The following MCF2L variants were observed in gnomAD, a reference collection of about 807,000 sequenced individuals.
MCF2L encodes the protein guanine nucleotide exchange factor DBS.
In MCF2L, 97 loss-of-function variants were observed where a neutral mutation model predicts 153.4. The ratio of observed to expected loss-of-function variants is 0.63; its 90% CI spans 0.54 to 0.75. The LOEUF is 0.75. Ranked by LOEUF, MCF2L falls within the 30% of genes least tolerant of loss-of-function variation. The pLI is 0.00. For missense variants in MCF2L, 1,347 were observed against 1,495.2 expected, an observed-to-expected ratio of 0.90 and a Z score of 1.64; for synonymous variants, 659 against 632.2, an observed-to-expected ratio of 1.04 and a Z score of -0.64.
chr13:112,909,396 C>T (rs2081207249), intron 2 of MCF2L: 1 of 750,078 alleles, frequency 1.3e-6, no homozygotes, highest in Non-Finnish European at 2.5e-6. Context: ...AGGCGTTGAT[C>T]CCAAGGGGCT....
In MCF2L at chr13:113,095,181, G is replaced by T. The variant is rs149985156; in HGVS notation, c.3075+546G>T. The T allele has an allele frequency of 1.6e-3, 1,977 of 1,251,248 alleles. 9 individuals carry two copies. Among genetic ancestry groups the T allele is most frequent in the African/African-American group, 0.015 (989 of 64,614 alleles). 77.5% of individuals were successfully genotyped at this position (1,251,248 alleles called of 1,614,324 possible). A position where few individuals can be genotyped will look rare whatever the true frequency, so the allele number is the denominator to read the frequency against. ...TTAATGTCAGAAGCAAGAAAAAGCT[G>T]CCATGTGTTAATCATTCCAGTGAGG... On this transcript the variant is annotated intron_variant, in intron 27 of 29. Coordinates refer to ENST00000535094, the MANE Select transcript of MCF2L (RefSeq NM_001112732.3).
chr13:113,017,893 A>G lies in MCF2L; in HGVS notation c.163+3047A>G, dbSNP rs2084633786. ...CCGTGAAGTGCCAGAGCAAAAAACT[A>G]AAGATGTCAGGAAGGAATGGCTCCG... On this transcript the variant is annotated intron_variant, in intron 2 of 29. Coordinates refer to ENST00000535094, the MANE Select transcript of MCF2L (RefSeq NM_001112732.3). Among the ~76,000 whole-genome samples, 3 of 152,184 alleles carry G rather than the reference A, an allele frequency of 2.0e-5. No individual in the cohort carries two copies. In the South Asian group the frequency reaches 6.2e-4, roughly 31 times the overall value.
Position 113,074,693 on chromosome 13 carries a change from G to T in MCF2L, c.1116+130G>T. ...CCACAGCCCCCCGGGGATGTCCATG[G>T]GGTGGGGGGTGCTGCTGCCTGTACC... is the stretch of plus-strand genomic sequence containing the variant. On this transcript the variant is annotated intron_variant, in intron 10 of 29. Coordinates refer to ENST00000535094, the MANE Select transcript of MCF2L (RefSeq NM_001112732.3). This position sits in a 1 kb window ranked among gnomAD's most constrained non-coding sequence, Gnocchi z 4.2. 1 of 1,362,532 alleles carries T rather than the reference G, an allele frequency of 7.3e-7. No individual in the cohort carries two copies. The highest frequency in any genetic ancestry group is 1.0e-6 in the Non-Finnish European group (1 of 1,002,398). 84.4% of individuals were successfully genotyped at this position (1,362,532 alleles called of 1,614,324 possible).
chr13:113,074,981 T>TGGGTGGCCGTCCAC lies in MCF2L; in HGVS notation c.1117-16_1117-3dup, dbSNP rs2033308815. On this transcript the variant is annotated splice_polypyrimidine_tract_variant and intron_variant, in intron 10 of 29. Coordinates refer to ENST00000535094, the MANE Select transcript of MCF2L (RefSeq NM_001112732.3). This position sits in a 1 kb window ranked among gnomAD's most constrained non-coding sequence, Gnocchi z 4.2. ...CAGAAAGAGGCCTGAGCTGGTCCTC[T>TGGGTGGCCGTCCAC]GGGTGGCCGTCCACAGGTGGCCGTG... 6.3e-7 allele frequency: 1 copy of TGGGTGGCCGTCCAC among 1,587,464 alleles called. No homozygotes were observed. The highest frequency in any genetic ancestry group is 8.6e-7 in the Non-Finnish European group (1 of 1,161,840).
Position 112,907,097 on chromosome 13 carries a change from A to G in MCF2L, c.169+4726A>G, listed in dbSNP as rs1237105128. On this transcript the variant is annotated intron_variant, in intron 2 of 29. Transcript: ENST00000375608. The surrounding 1 kb of genome is among the most constrained non-coding windows in gnomAD (Gnocchi z 5.1). ...CATGGATGATTCCATGGCTGGACCT[A>G]ATACTTCCATGCTTTATGGTAGGAG... Among the ~76,000 whole-genome samples the G allele has an allele frequency of 1.3e-5, 2 of 152,100 alleles. No homozygotes were observed. Among genetic ancestry groups the G allele is most frequent in the Admixed American group, 6.5e-5 (1 of 15,272 alleles).
chr13:113,024,624 T>G lies in MCF2L; in HGVS notation c.164-20T>G, dbSNP rs1369902876. The G allele has an allele frequency of 1.3e-6, 2 of 1,566,936 alleles. No homozygotes were observed. The highest frequency in any genetic ancestry group is 3.3e-5 in the Admixed American group (2 of 59,794). On this transcript the variant is annotated intron_variant, in intron 2 of 29. Transcript: ENST00000535094. ...GGCATGGAGCCCTCGGCTAAGGGTC[T>G]GCCTCTGGTCTCTCCCCAGGTGGGC...
At chr13:112,914,212 C>A (rs576299108) in intron 2 of MCF2L, among the ~76,000 whole-genome samples, 63 of 152,346 alleles carry the variant, frequency 4.1e-4, no homozygotes, top group Non-Finnish European at 8.2e-4. Context: ...CTGGTGCGTC[C>A]CCCAAGAGGG....
In MCF2L at chr13:113,096,468, G is replaced by T; in HGVS notation, c.3173G>T (p.Gly1058Val). ...SGDVVELVQE[G>V]DEGLWYVRDP... is the part of the protein sequence containing the mutation. ...GACGTGGTGGAGCTGGTGCAGGAGG[G>T]CGACGAGGGCCTCTGGTAAGACCCC... The change falls in exon 28 of 30, where the codon GGC (glycine) becomes GTC (valine). Residue 1058 changes from glycine (G) to valine (V), a missense_variant. By Grantham distance (109) the Gly-to-Val change is moderately radical. Transcript: ENST00000535094. 6.3e-7 allele frequency: 1 copy of T among 1,588,964 alleles called. No homozygotes were observed. Among genetic ancestry groups the T allele is most frequent in the Non-Finnish European group, 8.6e-7 (1 of 1,169,028 alleles).
chr13:112,983,063 G>C lies in MCF2L; in HGVS notation c.79+13605G>C, dbSNP rs1366680941. Among the ~76,000 whole-genome samples, 1 of 152,070 alleles carries C rather than the reference G, an allele frequency of 6.6e-6. No homozygotes were observed. Among genetic ancestry groups the C allele is most frequent in the Non-Finnish European group, 1.5e-5 (1 of 67,996 alleles). On this transcript the variant is annotated intron_variant, in intron 1 of 29. Transcript: ENST00000535094. The surrounding 1 kb of genome is among the most constrained non-coding windows in gnomAD (Gnocchi z 4.0). Reference sequence around the variant, plus strand: ...GATGCCTTTGGGTGTGGAAAGTGGTGGGGGCAGCCAGGCTGGTTCAGTGCA... The same window carrying C: ...GATGCCTTTGGGTGTGGAAAGTGGTCGGGGCAGCCAGGCTGGTTCAGTGCA...
At chr13:112,898,845 T>C (rs572657436) in intron 1 of MCF2L, among the ~76,000 whole-genome samples, 1 of 152,264 alleles carries the variant, frequency 6.6e-6, no homozygotes, top group East Asian at 1.9e-4. Flanking sequence ...AGGCCCCAGG[T>C]GCCACTCTTG....
At chr13:113,073,942 A>T (rs976219199) in intron 9 of MCF2L, among the ~76,000 whole-genome samples, 7 of 152,176 alleles carry the variant, frequency 4.6e-5, no homozygotes, top group Non-Finnish European at 7.3e-5. Context: ...AAATTAAAAT[A>T]AAAATCATTT....
At chr13:113,051,831 G>C (rs1310723302) in intron 4 of MCF2L, among the ~76,000 whole-genome samples, 1 of 152,066 alleles carries the variant, frequency 6.6e-6, no homozygotes, top group Non-Finnish European at 1.5e-5. Flanking sequence ...GCCCAGGGCT[G>C]CCCCCGCTGC....
intron 1 of MCF2L, among the ~76,000 whole-genome samples, chr13:112,998,516 G>C (rs2083230847): frequency 6.6e-6 from 1 of 152,186 alleles, no homozygotes; most frequent in African/African-American, 2.4e-5. Context: ...TCCCAGGACG[G>C]GTCTGAAATC....
At chr13:113,050,584 G>C (rs2087176596) in intron 4 of MCF2L, among the ~76,000 whole-genome samples, 2 of 147,236 alleles carry the variant, frequency 1.4e-5, no homozygotes, top group Non-Finnish European at 3.0e-5. Context: ...ATTGTATGCG[G>C]CCCCCCTGTG....
chr13:113,085,719 G>A (rs1354423357), intron 20 of MCF2L, among the ~76,000 whole-genome samples: 2 of 112,452 alleles, frequency 1.8e-5, no homozygotes, highest in Admixed American at 8.2e-5. Context: ...CAGGGTGGCA[G>A]GAGGGAGCTC....
intron 2 of MCF2L, among the ~76,000 whole-genome samples, chr13:112,928,064 G>C (rs1442198574): frequency 6.6e-6 from 1 of 152,192 alleles, no homozygotes; most frequent in Non-Finnish European, 1.5e-5. Context: ...TTGTGGCTGT[G>C]GAATTGATTG....
chr13:112,975,888 C>T (rs2082196890), intron 1 of MCF2L, among the ~76,000 whole-genome samples: 1 of 151,670 alleles, frequency 6.6e-6, no homozygotes, highest in Non-Finnish European at 1.5e-5. Context: ...GGCTTCAGCA[C>T]GCAGCACCTC....
chr13:112,973,075 C>T (rs376403588), intron 1 of MCF2L, among the ~76,000 whole-genome samples: 5 of 151,892 alleles, frequency 3.3e-5, no homozygotes, highest in East Asian at 3.9e-4. Context: ...GGCAGGGGCA[C>T]GCATTTCTGT....
intron 1 of MCF2L, among the ~76,000 whole-genome samples, chr13:112,980,359 C>T (rs1447826620): frequency 6.6e-6 from 1 of 152,280 alleles, no homozygotes; most frequent in African/African-American, 2.4e-5. Flanking sequence ...CCTGCCCTTT[C>T]CCCTGTCTGG....
Sources: gnomAD v4.1 joint callset for allele counts (sites outside exome capture counted in the v4.1 genomes callset) on GRCh38, gnomAD v4.1.1 for gene constraint, Gnocchi (gnomAD v3.1) non-coding constraint, MANE v1.5 for transcripts, NCBI Gene and HGNC (gene_info 2026-07-23, HGNC 2026-07-21) for gene names.